TFG: variants seen among roughly 807,000 people sequenced by gnomAD.
TFG encodes protein TFG.
Under a neutral mutation model 51.4 loss-of-function variants are expected in TFG, and 22 were observed. That is an observed-to-expected ratio of 0.43 (90% CI 0.31 to 0.61). TFG has a LOEUF of 0.61. Ranked by LOEUF, TFG falls within the 20% of genes least tolerant of loss-of-function variation. The probability of loss-of-function intolerance (pLI) is 0.12; values close to 1 mark genes in which losing one functional copy is unlikely to be tolerated. For missense variants in TFG, 419 were observed against 487.7 expected, an observed-to-expected ratio of 0.86 and a Z score of 1.33; for synonymous variants, 187 against 165.6, an observed-to-expected ratio of 1.13 and a Z score of -0.99.
At chr3:100,726,238 A>G (rs567611065) in intron 3 of TFG, among the ~76,000 whole-genome samples, 8 of 152,370 alleles carry the variant, frequency 5.3e-5, no homozygotes, top group South Asian at 4.1e-4. Flanking sequence ...GGAAGCAAGC[A>G]TCTGGCATAG....
At chr3:100,731,516 T>A (rs1274340323) in intron 4 of TFG, among the ~76,000 whole-genome samples, 1 of 152,206 alleles carries the variant, frequency 6.6e-6, no homozygotes, top group Non-Finnish European at 1.5e-5. Context: ...GACATTATAA[T>A]GAATCCCAGA....
intron 4 of TFG, among the ~76,000 whole-genome samples, chr3:100,729,076 AC>A (rs1488140345): frequency 2.0e-5 from 3 of 152,072 alleles, no homozygotes; most frequent in Admixed American, 2.0e-4. Context: ...CTCATCATAG[AC>A]CTACTGGAGC....
rs2149057730 is a variant in TFG, at chr3:100,713,811, A to T, written c.126A>T (p.Arg42=). 4 of 1,593,398 alleles carry T rather than the reference A, an allele frequency of 2.5e-6. No individual in the cohort carries two copies. The East Asian group carries it at 9.0e-5, about 36-fold the overall frequency. The change falls in exon 2 of 8, where the codon CGA becomes CGT. Residue 42 remains arginine, a synonymous_variant. Transcript: ENST00000240851. The part of the protein sequence containing the change: ...TYDELVLMMQ[R]VFRGKLLSND... The stretch of plus-strand genomic sequence containing the variant: ...ATGAATTAGTGCTAATGATGCAACG[A>T]GTTTTCAGAGGAAAACTTCTGAGTA...
Position 100,713,874 on chromosome 3 carries a change from G to T in TFG, c.184+5G>T. ...CAATAAAGTATAAAGATGAAGGTAA[G>T]AGTGTTTTTAAAGCTATTTTTTAAA... On this transcript the variant is annotated splice_donor_5th_base_variant and intron_variant, in intron 2 of 7. Transcript: ENST00000240851. 7.3e-7 allele frequency: 1 copy of T among 1,375,922 alleles called. No individual in the cohort carries two copies. Among genetic ancestry groups the T allele is most frequent in the South Asian group, 1.6e-5 (1 of 61,738 alleles). 85.2% of individuals were successfully genotyped at this position (1,375,922 alleles called of 1,614,324 possible). A position where few individuals can be genotyped will look rare whatever the true frequency, so the allele number is the denominator to read the frequency against.
chr3:100,716,191 T>G (rs945649694), intron 2 of TFG, among the ~76,000 whole-genome samples: 3 of 152,182 alleles, frequency 2.0e-5, no homozygotes, highest in African/African-American at 4.8e-5. Context: ...TTGTGTCTTT[T>G]AATAAATCTC....
intron 5 of TFG, among the ~76,000 whole-genome samples, chr3:100,736,366 T>C (rs2095106234): frequency 6.6e-6 from 1 of 152,166 alleles, no homozygotes; most frequent in Admixed American, 6.5e-5. Flanking sequence ...CTCTACACTT[T>C]ATAAGGAAGG....
At chr3:100,722,704 T>C (rs1028692140) in intron 3 of TFG, among the ~76,000 whole-genome samples, 1 of 152,142 alleles carries the variant, frequency 6.6e-6, no homozygotes. Context: ...TAATAGAGGC[T>C]AAAAGACAGT....
chr3:100,732,436 C>T (rs2095094225), intron 4 of TFG, 72 bp from the exon 5 acceptor site: 1 of 1,081,798 alleles, frequency 9.2e-7, no homozygotes, highest in Admixed American at 2.3e-5. Flanking sequence ...CATTATTTCC[C>T]TTGTACTTTT....
Position 100,732,661 on chromosome 3 carries a change from A to G in TFG, c.569A>G (p.Asp190Gly). The change falls in exon 5 of 8, where the codon GAT becomes GGT. Residue 190 changes from aspartate (D) to glycine (G), a missense_variant. Around this residue, in one of 3 missense-constraint regions of TFG, gnomAD observed 391 missense variants for 434.4 expected, o/e 0.90. Transcript: ENST00000240851. ...ATGTCAGCGTTTGGCTTAACAGATG[A>G]TCAGGTTTCAGGTAAGTTGGTTTCC... is the stretch of plus-strand genomic sequence containing the variant. ...NVMSAFGLTD[D>G]QVSGPPSAPA... The G allele has an allele frequency of 1.2e-6, 2 of 1,609,418 alleles. No individual in the cohort carries two copies. The highest frequency in any genetic ancestry group is 1.7e-6 in the Non-Finnish European group (2 of 1,177,918).
At chr3:100,734,493 G>A (rs2095101079) in intron 5 of TFG, among the ~76,000 whole-genome samples, 1 of 152,098 alleles carries the variant, frequency 6.6e-6, no homozygotes. Flanking sequence ...TTAACACTGT[G>A]GTTTTCTGCC....
At chr3:100,715,837 C>T (rs62274024) in intron 2 of TFG, among the ~76,000 whole-genome samples, 8 of 151,940 alleles carry the variant, frequency 5.3e-5, no homozygotes, top group Non-Finnish European at 8.8e-5. Context: ...ACTGCCAACC[C>T]GGCCTCCCAA....
At position 100,725,975 on chromosome 3, in the gene TFG, A is replaced by G. The variant is rs1001469182; in HGVS notation, c.269-2737A>G. Among the ~76,000 whole-genome samples, 3 of 152,258 alleles carry G rather than the reference A, an allele frequency of 2.0e-5. No individual in the cohort carries two copies. The South Asian group carries it at 6.2e-4, about 32-fold the overall frequency. On this transcript the variant is annotated intron_variant, in intron 3 of 7. Coordinates refer to ENST00000240851, the MANE Select transcript of TFG (RefSeq NM_006070.6). ...CCAATAAGATACATGGGAGTTTTTTAGGGAGAATTGCAAGGTGATTACAAG... is the reference window on the plus strand; with the variant it reads ...CCAATAAGATACATGGGAGTTTTTTGGGGAGAATTGCAAGGTGATTACAAG...
intron 5 of TFG, among the ~76,000 whole-genome samples, chr3:100,735,859 G>C (rs191500949): frequency 2.0e-5 from 3 of 152,188 alleles, no homozygotes; most frequent in African/African-American, 7.2e-5. Context: ...AGAGTGCAGA[G>C]TCTTTAAGAG....
chr3:100,731,308 A>G (rs1314529528), intron 4 of TFG, among the ~76,000 whole-genome samples: 2 of 152,042 alleles, frequency 1.3e-5, no homozygotes, highest in African/African-American at 2.4e-5. Flanking sequence ...TTGGATTCCT[A>G]TTTGTAAAAT....
intron 3 of TFG, among the ~76,000 whole-genome samples, chr3:100,727,145 T>C (rs1314451220): frequency 6.6e-6 from 1 of 152,212 alleles, no homozygotes; most frequent in African/African-American, 2.4e-5. Context: ...CTTTGAAATA[T>C]TTATATTCAA....
At chr3:100,744,992 TA>T (rs1181616641) in intron 7 of TFG, 61 bp downstream of exon 7, 5 of 991,204 alleles carry the variant, frequency 5.0e-6, no homozygotes, top group Non-Finnish European at 7.5e-6. Flanking sequence ...CATTAAACTT[TA>T]AGTTCTTAAT....
intron 2 of TFG, among the ~76,000 whole-genome samples, chr3:100,715,036 C>G (rs2095041811): frequency 6.6e-6 from 1 of 152,196 alleles, no homozygotes. Flanking sequence ...ATCTTGACCT[C>G]ACTGTTTAGC....
chr3:100,729,838 TCTTC>T (rs1413433897), intron 4 of TFG, among the ~76,000 whole-genome samples: 3 of 152,162 alleles, frequency 2.0e-5, no homozygotes, highest in Non-Finnish European at 4.4e-5. Flanking sequence ...ATCATTTCTC[TCTTC>T]CTGTCTTCTA....
chr3:100,713,642 G>C lies in TFG; in HGVS notation c.-43-1G>C. 1.5e-6 allele frequency: 2 copies of C among 1,363,106 alleles called. No homozygotes were observed. Among genetic ancestry groups the C allele is most frequent in the Non-Finnish European group, 1.9e-6 (2 of 1,026,740 alleles). The allele number at this position is 1,363,106 out of a possible 1,614,324, so 84.4% of individuals were successfully genotyped here. Reference sequence around the variant, plus strand: ...TTAATTATCAAAACCACTTTTATCAGTCTTTCTCTAGAGTTGTATATATAG... The same window carrying C: ...TTAATTATCAAAACCACTTTTATCACTCTTTCTCTAGAGTTGTATATATAG... On this transcript the variant is annotated splice_acceptor_variant, in intron 1 of 7. Coordinates refer to ENST00000240851, the MANE Select transcript of TFG (RefSeq NM_006070.6). LOFTEE classifies it low-confidence loss of function (5UTR_SPLICE).
Sources: gnomAD v4.1 joint callset for allele counts (sites outside exome capture counted in the v4.1 genomes callset) on GRCh38, gnomAD v4.1.1 for gene constraint, gnomAD v4.1.1 regional missense constraint, MANE v1.5 for transcripts, NCBI Gene and HGNC (gene_info 2026-07-23, HGNC 2026-07-21) for gene names.